The following SNRPC variants were observed in gnomAD, a reference collection of about 807,000 sequenced individuals.
SNRPC encodes small nuclear ribonucleoprotein polypeptide C.
Under a neutral mutation model 20.0 loss-of-function variants are expected in SNRPC, and 5 were observed. The ratio of observed to expected loss-of-function variants is 0.25; its 90% CI spans 0.13 to 0.53. SNRPC has a LOEUF of 0.53. SNRPC is among the 20% of genes least tolerant of loss of function. The pLI, the probability that SNRPC is intolerant of heterozygous loss-of-function variation, is 0.96. For missense variants in SNRPC, 112 were observed against 224.1 expected, an observed-to-expected ratio of 0.50 and a Z score of 3.19; for synonymous variants, 61 against 58.7, an observed-to-expected ratio of 1.04 and a Z score of -0.18.
At chr6:34,767,874 T>A in intron 3 of SNRPC, 34 bp from the exon 4 acceptor site, 1 of 1,444,144 alleles carries the variant, frequency 6.9e-7, no homozygotes, top group Non-Finnish European at 9.2e-7. Context: ...TTCTTATTCA[T>A]CTTTTTTTTT....
chr6:34,767,758 G>A, intron 3 of SNRPC, 150 bp from the exon 4 acceptor site: 1 of 756,682 alleles, frequency 1.3e-6, no homozygotes, highest in Non-Finnish European at 1.9e-6. Context: ...TTTTAAAACT[G>A]TAGAACCATG....
In SNRPC at chr6:34,773,577, A is replaced by G. The variant is rs1288214768; in HGVS notation, c.*7A>G. ...GACTCGACCAGACAGATAAGGATAGAGGGGAGGCCTTATTGTATCGGTTTT... is the reference window on the plus strand; with the variant it reads ...GACTCGACCAGACAGATAAGGATAGGGGGGAGGCCTTATTGTATCGGTTTT... On this transcript the variant is annotated 3_prime_UTR_variant, in exon 6 of 6. Coordinates refer to ENST00000244520, the MANE Select transcript of SNRPC (RefSeq NM_003093.3). This position sits in a 1 kb window ranked among gnomAD's most constrained non-coding sequence, Gnocchi z 4.1. 2 of 1,612,796 alleles carry G rather than the reference A, an allele frequency of 1.2e-6. No homozygotes were observed. Among genetic ancestry groups the G allele is most frequent in the Middle Eastern group, 1.7e-4 (1 of 6,060 alleles).
chr6:34,771,869 T>C (rs1290793849), intron 5 of SNRPC, among the ~76,000 whole-genome samples: 1 of 152,154 alleles, frequency 6.6e-6, no homozygotes. Context: ...TTAGCATCCT[T>C]AAACCAGGCT....
At chr6:34,769,261 ACT>A (rs1471627260) in intron 4 of SNRPC, among the ~76,000 whole-genome samples, 3 of 130,414 alleles carry the variant, frequency 2.3e-5, no homozygotes, top group African/African-American at 9.0e-5. Flanking sequence ...ACAGAGTCTC[ACT>A]CTGTTGCCCA....
At chr6:34,766,909 T>G (rs1228306390) in intron 3 of SNRPC, among the ~76,000 whole-genome samples, 2 of 152,246 alleles carry the variant, frequency 1.3e-5, no homozygotes, top group African/African-American at 4.8e-5. Context: ...TGTAGACAGC[T>G]TATGTCAGGA....
rs975906297 is a variant in SNRPC, at chr6:34,760,088, A to T, written c.51+2134A>T. 5.3e-5 allele frequency among the ~76,000 whole-genome samples: 8 copies of T among 150,582 alleles called. No homozygotes were observed. The East Asian group carries it at 1.6e-3, about 29-fold the overall frequency. On this transcript the variant is annotated intron_variant, in intron 2 of 5. Transcript: ENST00000244520. Reference sequence around the variant, plus strand: ...AAGTTGGGTGGTTCCTCTTGAAGACATTATTATAGTTCTGTATATTATCTT... The same window carrying T: ...AAGTTGGGTGGTTCCTCTTGAAGACTTTATTATAGTTCTGTATATTATCTT...
chr6:34,759,019 C>CAAAAAAAAAA (rs755576537), intron 2 of SNRPC, among the ~76,000 whole-genome samples: 1 of 24,644 alleles, frequency 4.1e-5, no homozygotes, highest in African/African-American at 1.1e-4. Flanking sequence ...GACTCCGTCT[C>CAAAAAAAAAA]AAAAAAAAAA....
chr6:34,769,229 C>CTTTTTTT (rs11408407), intron 4 of SNRPC, among the ~76,000 whole-genome samples: 1 of 129,134 alleles, frequency 7.7e-6, no homozygotes, highest in African/African-American at 3.0e-5. Flanking sequence ...TTCTTTCTTT[C>CTTTTTTT]TTTTTTTTTT....
chr6:34,771,199 C>T (rs1189643928), intron 5 of SNRPC, among the ~76,000 whole-genome samples: 6 of 151,888 alleles, frequency 4.0e-5, no homozygotes, highest in Non-Finnish European at 7.4e-5. Context: ...TGTGGTGGCA[C>T]GCGCCTGTTG....
chr6:34,763,961 C>A (rs374759876), intron 3 of SNRPC, among the ~76,000 whole-genome samples: 1 of 149,974 alleles, frequency 6.7e-6, no homozygotes, highest in African/African-American at 2.4e-5. Flanking sequence ...GTGATCCACC[C>A]GCCTCGGCCT....
chr6:34,759,563 T>C (rs1382577942), intron 2 of SNRPC, among the ~76,000 whole-genome samples: 2 of 152,278 alleles, frequency 1.3e-5, no homozygotes, highest in Non-Finnish European at 2.9e-5. Flanking sequence ...TTAATAATTT[T>C]GTTGCTTCAT....
At position 34,757,548 on chromosome 6, in the gene SNRPC, C is replaced by T; in HGVS notation, c.5C>T (p.Pro2Leu). 1 of 1,613,532 alleles carries T rather than the reference C, an allele frequency of 6.2e-7. No individual in the cohort carries two copies. Among genetic ancestry groups the T allele is most frequent in the Non-Finnish European group, 8.5e-7 (1 of 1,179,522 alleles). M[P>L]KFYCDYCDTY... ...GCCAACGGCCTGCAGAGCAACATGC[C>T]CAAGTGAGTGGGGCCCCGAAATCTG... is the stretch of plus-strand genomic sequence containing the variant. Residue 2 changes from proline to leucine, a missense_variant, in exon 1 of 6, where the codon CCC (proline) becomes CTC (leucine). By Grantham distance (98) the Pro-to-Leu change is moderately conservative. Around this residue, in one of 3 missense-constraint regions of SNRPC, gnomAD observed 10 missense variants for 54.5 expected, o/e 0.18. Coordinates refer to ENST00000244520, the MANE Select transcript of SNRPC (RefSeq NM_003093.3).
intron 5 of SNRPC, among the ~76,000 whole-genome samples, chr6:34,771,685 A>T (rs545358152): frequency 3.0e-4 from 46 of 152,338 alleles, no homozygotes; most frequent in African/African-American, 1.0e-3. Context: ...TGTGACCAAC[A>T]CCTACAACTC....
In SNRPC at chr6:34,757,907, T is replaced by C. The variant is rs1457608854; in HGVS notation, c.9-5T>C. On this transcript the variant is annotated splice_region_variant and splice_polypyrimidine_tract_variant and intron_variant, in intron 1 of 5. Coordinates refer to ENST00000244520, the MANE Select transcript of SNRPC (RefSeq NM_003093.3). The stretch of plus-strand genomic sequence containing the variant: ...TCTTTTTCTCTTCCTTTCACCTCTT[T>C]TCAGGTTTTATTGTGACTACTGCGA... 6.2e-7 allele frequency: 1 copy of C among 1,613,744 alleles called. No homozygotes were observed. Among genetic ancestry groups the C allele is most frequent in the Admixed American group, 1.7e-5 (1 of 60,010 alleles).
intron 2 of SNRPC, among the ~76,000 whole-genome samples, chr6:34,761,335 G>A (rs183298001): frequency 7.3e-5 from 11 of 151,682 alleles, no homozygotes; most frequent in African/African-American, 2.7e-4. Flanking sequence ...AGACAGTTTC[G>A]CCTTGTAGGC....
At chr6:34,763,585 G>A (rs759388629) in intron 3 of SNRPC, among the ~76,000 whole-genome samples, 1 of 150,668 alleles carries the variant, frequency 6.6e-6, no homozygotes, top group East Asian at 2.0e-4. Context: ...GGAGGCTAAG[G>A]CAGGAGAATC....
At chr6:34,772,040 T>G (rs1313714346) in intron 5 of SNRPC, among the ~76,000 whole-genome samples, 3 of 152,168 alleles carry the variant, frequency 2.0e-5, no homozygotes. Context: ...TGTTTTCTGT[T>G]TTTTCAAACC....
chr6:34,761,059 A>C, intron 2 of SNRPC, among the ~76,000 whole-genome samples: 1 of 150,198 alleles, frequency 6.7e-6, no homozygotes, highest in African/African-American at 2.4e-5. Context: ...AAAAAAACCA[A>C]AAAAAAAAAC....
At chr6:34,763,816 A>G (rs1764574669) in intron 3 of SNRPC, among the ~76,000 whole-genome samples, 1 of 150,928 alleles carries the variant, frequency 6.6e-6, no homozygotes. Flanking sequence ...TCCCAGGTTC[A>G]AGCGATTCTC....
Sources: gnomAD v4.1 joint callset for allele counts (sites outside exome capture counted in the v4.1 genomes callset) on GRCh38, gnomAD v4.1.1 for gene constraint, gnomAD v4.1.1 regional missense constraint, Gnocchi (gnomAD v3.1) non-coding constraint, MANE v1.5 for transcripts, NCBI Gene and HGNC (gene_info 2026-07-23, HGNC 2026-07-21) for gene names.